FLOT2: variants seen among roughly 807,000 people sequenced by gnomAD.
FLOT2 encodes flotillin-2.
FLOT2 carries 35 observed loss-of-function variants against 54.9 expected under a neutral mutation model. The ratio of observed to expected loss-of-function variants is 0.64; its 90% CI spans 0.49 to 0.84. FLOT2 has a LOEUF of 0.84. FLOT2 is among the 40% of genes least tolerant of loss of function. The pLI is 0.00. For missense variants in FLOT2, 464 were observed against 572.1 expected (o/e 0.81, Z 1.93); for synonymous variants, 207 against 228.9 (o/e 0.90, Z 0.86).
chr17:28,889,083 CAGCCCACTGAT>C (rs1366935282), intron 1 of FLOT2, 57 bp from the exon 2 acceptor site: 22 of 1,463,546 alleles, frequency 1.5e-5, no homozygotes, highest in Non-Finnish European at 2.1e-5. Flanking sequence ...GTCTACCCTC[CAGCCCACTGAT>C]AGCAACTTTT....
Position 28,884,015 on chromosome 17 carries a change from G to C in FLOT2, c.222+210C>G, listed in dbSNP as rs1005211141. On this transcript the variant is annotated intron_variant, in intron 3 of 10. Transcript: ENST00000394908. The surrounding 1 kb of genome is among the most constrained non-coding windows in gnomAD (Gnocchi z 5.1). The stretch of plus-strand genomic sequence containing the variant: ...TCGTGGGCCCGCTGAGGAGAGAAGG[G>C]GTGTCTGTTAGTCCTGCTGGGTGGC... 6.6e-6 allele frequency among the ~76,000 whole-genome samples: 1 copy of C among 152,200 alleles called. No individual in the cohort carries two copies. The highest frequency in any genetic ancestry group is 1.5e-5 in the Non-Finnish European group (1 of 68,038).
chr17:28,894,484 C>T (rs2039707365), intron 1 of FLOT2, among the ~76,000 whole-genome samples: 1 of 152,002 alleles, frequency 6.6e-6, no homozygotes, highest in African/African-American at 2.4e-5. Context: ...ATTAGCTGGG[C>T]ACTGTGGCGT....
chr17:28,882,017 G>A lies in FLOT2; in HGVS notation c.711C>T (p.Ala237=). 1 of 1,614,114 alleles carries A rather than the reference G, an allele frequency of 6.2e-7. No homozygotes were observed. Among genetic ancestry groups the A allele is most frequent in the South Asian group, 1.1e-5 (1 of 91,086 alleles). Reference sequence around the variant, plus strand: ...CCCCCTGCAGCTCATAGGCCAACTGGGCCTCAGCTGTCTGTGGCAAGAGGG... The same window carrying A: ...CCCCCTGCAGCTCATAGGCCAACTGAGCCTCAGCTGTCTGTGGCAAGAGGG... ...SEEVNIKTAE[A]QLAYELQGAR... Residue 237 remains alanine (A), a synonymous_variant, in exon 8 of 11, where the codon GCC becomes GCT. Transcript: ENST00000394908. This position sits in a 1 kb window ranked among gnomAD's most constrained non-coding sequence, Gnocchi z 5.6.
intron 1 of FLOT2, among the ~76,000 whole-genome samples, chr17:28,894,833 TTA>T (rs2039715973): frequency 6.6e-6 from 1 of 151,496 alleles, no homozygotes; most frequent in Admixed American, 6.6e-5. Context: ...ACTAGGGGGT[TTA>T]GTCTTTTTTG....
intron 1 of FLOT2, 25 bp from the exon 2 acceptor site, chr17:28,889,051 A>C: frequency 1.2e-6 from 2 of 1,606,364 alleles, no homozygotes; most frequent in Non-Finnish European, 1.7e-6. Flanking sequence ...AAACCACCGC[A>C]AGTCAGTCGG....
chr17:28,880,644 G>C (rs2039430278), intron 10 of FLOT2, 45 bp from the exon 11 acceptor site: 1 of 1,613,942 alleles, frequency 6.2e-7, no homozygotes, highest in Non-Finnish European at 8.5e-7. Context: ...CCAGAGCCCA[G>C]GACCACTTTG....
intron 2 of FLOT2, chr17:28,885,656 C>G (rs1291042414): frequency 1.4e-6 from 1 of 717,494 alleles, no homozygotes; most frequent in Non-Finnish European, 2.6e-6. Flanking sequence ...TGTTTCCCCA[C>G]TTGCAGTCCA....
chr17:28,890,704 G>A (rs2039634519), intron 1 of FLOT2, among the ~76,000 whole-genome samples: 1 of 152,044 alleles, frequency 6.6e-6, no homozygotes, highest in African/African-American at 2.4e-5. Context: ...GATTCTTGTA[G>A]TGAACTCTCT....
In FLOT2 at chr17:28,897,527, T is replaced by C; in HGVS notation, c.48A>G (p.Ser16=). ...TVGPNEALVV[S]GGCCGSDYKQ... is the part of the protein sequence containing the mutation. The stretch of plus-strand genomic sequence containing the variant: ...CCACCTTCCTCGCCGCCCCCTCACC[T>C]GAAACCACCAGCGCCTCGTTGGGCC... Residue 16 remains serine, a splice_region_variant and synonymous_variant, in exon 1 of 11, where the codon TCA becomes TCG. Transcript: ENST00000394908. The surrounding 1 kb of genome is among the most constrained non-coding windows in gnomAD (Gnocchi z 4.4). 1.2e-6 allele frequency: 2 copies of C among 1,605,614 alleles called. No homozygotes were observed. The highest frequency in any genetic ancestry group is 1.7e-6 in the Non-Finnish European group (2 of 1,176,434).
At chr17:28,890,587 C>T (rs1023911693) in intron 1 of FLOT2, among the ~76,000 whole-genome samples, 3 of 152,054 alleles carry the variant, frequency 2.0e-5, no homozygotes, top group Non-Finnish European at 4.4e-5. Flanking sequence ...GGGGTTTCAC[C>T]GTGTTAGCCA....
Position 28,884,958 on chromosome 17 carries a change from G to T in FLOT2, c.132-643C>A, listed in dbSNP as rs2039515305. Among the ~76,000 whole-genome samples, 1 of 152,202 alleles carries T rather than the reference G, an allele frequency of 6.6e-6. No homozygotes were observed. Among genetic ancestry groups the T allele is most frequent in the Admixed American group, 6.5e-5 (1 of 15,282 alleles). On this transcript the variant is annotated intron_variant, in intron 2 of 10. Transcript: ENST00000394908. This position sits in a 1 kb window ranked among gnomAD's most constrained non-coding sequence, Gnocchi z 5.1. The stretch of plus-strand genomic sequence containing the variant: ...GTGGGTCACATGGGGAATTTAGACT[G>T]AAGTCACACTAGAGCTTCTTGGCCA...
chr17:28,882,947 CT>C lies in FLOT2; in HGVS notation c.346+160del. 2 of 761,388 alleles carry C rather than the reference CT, an allele frequency of 2.6e-6. No individual in the cohort carries two copies. Among genetic ancestry groups the C allele is most frequent in the Non-Finnish European group, 4.2e-6 (2 of 478,328 alleles). 47.2% of individuals were successfully genotyped at this position (761,388 alleles called of 1,614,324 possible). A position where few individuals can be genotyped will look rare whatever the true frequency, so the allele number is the denominator to read the frequency against. Reference sequence around the variant, plus strand: ...CATCCCACCCCTTCACTCATACCCTCTCCTTAACTCAAGTCACCTGAAGTTT... The same window carrying C: ...CATCCCACCCCTTCACTCATACCCTCCCTTAACTCAAGTCACCTGAAGTTT... On this transcript the variant is annotated intron_variant, in intron 4 of 10. Transcript: ENST00000394908. This position sits in a 1 kb window ranked among gnomAD's most constrained non-coding sequence, Gnocchi z 5.6.
chr17:28,879,739 A>C lies in FLOT2; in HGVS notation c.*822T>G. 2 of 986,076 alleles carry C rather than the reference A, an allele frequency of 2.0e-6. No homozygotes were observed. The highest frequency in any genetic ancestry group is 2.4e-6 in the Non-Finnish European group (2 of 830,122). The allele number at this position is 986,076 out of a possible 1,614,324, so 61.1% of individuals were successfully genotyped here. On this transcript the variant is annotated 3_prime_UTR_variant, in exon 11 of 11. Coordinates refer to ENST00000394908, the MANE Select transcript of FLOT2 (RefSeq NM_004475.3). ...GCCCTAGCAGGAAGAAGGTCTACACACTTTTCTGTCCCCAACAGGGCTAGA... is the reference window on the plus strand; with the variant it reads ...GCCCTAGCAGGAAGAAGGTCTACACCCTTTTCTGTCCCCAACAGGGCTAGA...
In FLOT2 at chr17:28,884,400, C is replaced by T. The variant is rs941590256; in HGVS notation, c.132-85G>A. 2.2e-4 allele frequency: 176 copies of T among 811,478 alleles called. 5 individuals carry two copies. The South Asian group carries it at 2.6e-3, about 12-fold the overall frequency. 50.3% of individuals were successfully genotyped at this position (811,478 alleles called of 1,614,324 possible). A position where few individuals can be genotyped will look rare whatever the true frequency, so the allele number is the denominator to read the frequency against. ...GAAAGAGGCCAGTACCTCACTGCTC[C>T]GGCTGGGTCCTGGTGAGGAAGGTGG... On this transcript the variant is annotated intron_variant, in intron 2 of 10. Coordinates refer to ENST00000394908, the MANE Select transcript of FLOT2 (RefSeq NM_004475.3). The surrounding 1 kb of genome is among the most constrained non-coding windows in gnomAD (Gnocchi z 5.1).
intron 1 of FLOT2, among the ~76,000 whole-genome samples, chr17:28,893,759 A>G (rs1271454171): frequency 6.6e-6 from 1 of 152,252 alleles, no homozygotes; most frequent in Non-Finnish European, 1.5e-5. Context: ...CATAACTTAG[A>G]AACCGATGTT....
chr17:28,889,388 G>A (rs1362529555), intron 1 of FLOT2, among the ~76,000 whole-genome samples: 1 of 151,898 alleles, frequency 6.6e-6, no homozygotes, highest in Non-Finnish European at 1.5e-5. Flanking sequence ...AGACTACAGT[G>A]GCGCAGTCTC....
chr17:28,897,455 C>A lies in FLOT2; in HGVS notation c.49+71G>T. 1 of 1,427,066 alleles carries A rather than the reference C, an allele frequency of 7.0e-7. No individual in the cohort carries two copies. The allele number at this position is 1,427,066 out of a possible 1,614,324, so 88.4% of individuals were successfully genotyped here. ...GGTGGACTCAGGCCCAGCTCTTCCCCGTGCACTCCCCAGCCCTGCACCCAC... is the reference window on the plus strand; with the variant it reads ...GGTGGACTCAGGCCCAGCTCTTCCCAGTGCACTCCCCAGCCCTGCACCCAC... On this transcript the variant is annotated intron_variant, in intron 1 of 10. Transcript: ENST00000394908. This position sits in a 1 kb window ranked among gnomAD's most constrained non-coding sequence, Gnocchi z 4.4.
intron 2 of FLOT2, 39 bp downstream of exon 2, chr17:28,888,906 C>A (rs781334207): frequency 2.2e-5 from 34 of 1,539,686 alleles, no homozygotes; most frequent in Non-Finnish European, 3.0e-5. Flanking sequence ...CTCTCCCTGG[C>A]CCACTCCATG....
intron 2 of FLOT2, chr17:28,885,983 C>T (rs778188262): frequency 3.0e-5 from 41 of 1,361,286 alleles, no homozygotes; most frequent in Middle Eastern, 3.6e-4. Flanking sequence ...GAGGTAGGGA[C>T]AGGAAGGGAA....
Sources: gnomAD v4.1 joint callset for allele counts (sites outside exome capture counted in the v4.1 genomes callset) on GRCh38, gnomAD v4.1.1 for gene constraint, Gnocchi (gnomAD v3.1) non-coding constraint, MANE v1.5 for transcripts, NCBI Gene and HGNC (gene_info 2026-07-23, HGNC 2026-07-21) for gene names.